The following ADGB variants were observed in gnomAD, a reference collection of about 807,000 sequenced individuals.
The protein encoded by ADGB is calpain-7-like protein.
A neutral mutation model predicts 210.5 loss-of-function variants in ADGB; 172 were observed. The ratio of observed to expected loss-of-function variants is 0.82; its 90% CI spans 0.72 to 0.93. The LOEUF (loss-of-function observed/expected upper bound fraction) is 0.93. Among genes scored for constraint, ADGB ranks in the 40% least tolerant of loss-of-function variants. ADGB has a pLI of 0.00. For missense variants in ADGB, 2,025 were observed against 1,964.8 expected (o/e 1.03, Z -0.58); for synonymous variants, 658 against 662.7 (o/e 0.99, Z 0.11).
At chr6:146,631,871 G>A (rs1362955906) in intron 1 of ADGB, among the ~76,000 whole-genome samples, 2 of 151,204 alleles carry the variant, frequency 1.3e-5, no homozygotes, top group African/African-American at 4.9e-5. Flanking sequence ...TTTGAGAGAT[G>A]TTTCCTTGTT....
At chr6:146,644,717 G>GT (rs1044160815) in intron 2 of ADGB, 56 bp from the exon 3 acceptor site, 14 of 1,061,818 alleles carry the variant, frequency 1.3e-5, no homozygotes, top group Admixed American at 3.4e-5. Context: ...TATTAAAATT[G>GT]TTTTTTTATT....
rs190431186 is a variant in ADGB, at chr6:146,807,578, G to T, written c.4818+5567G>T. The stretch of plus-strand genomic sequence containing the variant: ...ACACACAGAAAAAAAAGAAAGGAAA[G>T]AAAAAGTAACCAGGGGATGTCCAAT... On this transcript the variant is annotated intron_variant, in intron 35 of 35. Transcript: ENST00000397944. 7.1e-5 allele frequency: 109 copies of T among 1,536,638 alleles called. 1 individual carries two copies. The African/African-American group carries it at 1.3e-3, about 18-fold the overall frequency.
intron 19 of ADGB, among the ~76,000 whole-genome samples, chr6:146,727,995 T>G (rs957871990): frequency 3.3e-5 from 5 of 152,184 alleles, no homozygotes; most frequent in Admixed American, 3.3e-4. Context: ...TTTGTTTTGT[T>G]TTTTCCAATT....
Position 146,672,246 on chromosome 6 carries a change from A to G in ADGB, c.866A>G (p.Glu289Gly). The stretch of plus-strand genomic sequence containing the variant: ...CCGGGATATATGGACAAAGTTTGGG[A>G]GCTCCTGAAAGAAATATTGCCTGAG... ...LHPGYMDKVWELLKEILPEFK... is the reference protein window; with the variant it reads ...LHPGYMDKVWGLLKEILPEFK... Residue 289 changes from glutamate (E) to glycine (G), a missense_variant, in exon 8 of 36, where the codon GAG becomes GGG. Glu to Gly is a moderately conservative substitution (Grantham distance 98). Coordinates refer to ENST00000397944, the MANE Select transcript of ADGB (RefSeq NM_024694.4). 6.5e-7 allele frequency: 1 copy of G among 1,540,012 alleles called. No individual in the cohort carries two copies. Among genetic ancestry groups the G allele is most frequent in the Non-Finnish European group, 8.8e-7 (1 of 1,142,092 alleles).
chr6:146,799,232 A>G (rs559314536), intron 33 of ADGB, among the ~76,000 whole-genome samples: 1 of 152,230 alleles, frequency 6.6e-6, no homozygotes, highest in South Asian at 2.1e-4. Flanking sequence ...CAAGCCAAAG[A>G]TGTCCTCTCT....
In ADGB at chr6:146,740,638, A is replaced by G. The variant is rs1777152149; in HGVS notation, c.3023+45A>G. 3.9e-6 allele frequency: 6 copies of G among 1,526,758 alleles called. No individual in the cohort carries two copies. In the Admixed American group the frequency reaches 1.0e-4, roughly 26 times the overall value. 94.6% of individuals were successfully genotyped at this position (1,526,758 alleles called of 1,614,324 possible). A position where few individuals can be genotyped will look rare whatever the true frequency, so the allele number is the denominator to read the frequency against. On this transcript the variant is annotated intron_variant, in intron 24 of 35. Transcript: ENST00000397944. The stretch of plus-strand genomic sequence containing the variant: ...ACAAATATGTCTCTAAATGGCTTGC[A>G]ATATCTGTATTTATGAATATTTCTG...
chr6:146,765,840 A>T (rs1256602226), intron 28 of ADGB, among the ~76,000 whole-genome samples: 1 of 151,864 alleles, frequency 6.6e-6, no homozygotes, highest in Non-Finnish European at 1.5e-5. Context: ...AAAAGAACAG[A>T]AAAGTAACTC....
At chr6:146,755,442 C>A (rs1438367583) in intron 27 of ADGB, among the ~76,000 whole-genome samples, 3 of 152,172 alleles carry the variant, frequency 2.0e-5, no homozygotes, top group Admixed American at 1.3e-4. Context: ...TAAGTGAGTT[C>A]TCGCAAAATC....
intron 1 of ADGB, among the ~76,000 whole-genome samples, chr6:146,611,047 G>T (rs577395851): frequency 6.6e-6 from 1 of 152,232 alleles, no homozygotes; most frequent in African/African-American, 2.4e-5. Flanking sequence ...AAGGGAGGCT[G>T]CAGGTGAGTG....
At chr6:146,787,287 T>A (rs1412798164) in intron 32 of ADGB, among the ~76,000 whole-genome samples, 1 of 152,164 alleles carries the variant, frequency 6.6e-6, no homozygotes, top group Non-Finnish European at 1.5e-5. Context: ...AAACACCACA[T>A]ACTAAAGTCC....
chr6:146,615,408 C>T (rs1382329315), intron 1 of ADGB, among the ~76,000 whole-genome samples: 2 of 152,126 alleles, frequency 1.3e-5, no homozygotes, highest in Admixed American at 6.5e-5. Flanking sequence ...TCACCAACAC[C>T]TCAAACATTT....
At chr6:146,689,321 A>T (rs911561378) in intron 10 of ADGB, among the ~76,000 whole-genome samples, 15 of 152,176 alleles carry the variant, frequency 9.9e-5, no homozygotes, top group African/African-American at 3.6e-4. Context: ...GCATCAAACT[A>T]TAACTATTAT....
Position 146,691,178 on chromosome 6 carries a change from G to A in ADGB, c.1374G>A (p.Leu458=), listed in dbSNP as rs1331622809. 16 of 1,549,168 alleles carry A rather than the reference G, an allele frequency of 1.0e-5. No individual in the cohort carries two copies. The highest frequency in any genetic ancestry group is 1.2e-5 in the Non-Finnish European group (14 of 1,146,180). ...CCCACATCTGTAGCCATCCTGTGCT[G>A]GTGACTAGAAGTAGGTCTTGTCCTC... ...GLSHICSHPV[L]VTRSRSCPLV... is the part of the protein sequence containing the mutation. The change falls in exon 11 of 36, where the codon CTG becomes CTA. Residue 458 remains leucine, a synonymous_variant. Transcript: ENST00000397944.
chr6:146,710,451 A>T (rs1301426977), intron 13 of ADGB, among the ~76,000 whole-genome samples: 3 of 152,122 alleles, frequency 2.0e-5, no homozygotes, highest in Non-Finnish European at 4.4e-5. Context: ...AATTATAACA[A>T]TAGATTCTTA....
chr6:146,699,558 G>A (rs6911503), intron 12 of ADGB, among the ~76,000 whole-genome samples: 17,234 of 151,870 alleles, frequency 0.11, 1,642 homozygotes, highest in African/African-American at 0.26. Flanking sequence ...CCACCGACTC[G>A]CACGCCAATC....
intron 1 of ADGB, among the ~76,000 whole-genome samples, chr6:146,623,023 C>T (rs542868819): frequency 1.3e-5 from 2 of 151,888 alleles, no homozygotes; most frequent in East Asian, 1.9e-4. Context: ...TGAATATGGG[C>T]CTATTTTGTT....
chr6:146,603,208 T>C (rs1362081489), intron 1 of ADGB, among the ~76,000 whole-genome samples: 1 of 152,202 alleles, frequency 6.6e-6, no homozygotes, highest in Non-Finnish European at 1.5e-5. Context: ...TTAGCAATTA[T>C]AAACAAATTA....
At chr6:146,773,937 A>T (rs753417321) in intron 29 of ADGB, among the ~76,000 whole-genome samples, 1 of 152,156 alleles carries the variant, frequency 6.6e-6, no homozygotes, top group South Asian at 2.1e-4. Context: ...CATTTTACAG[A>T]TGAGGGAACT....
chr6:146,717,514 G>T, intron 15 of ADGB, 22 bp from the exon 16 acceptor site: 1 of 1,295,710 alleles, frequency 7.7e-7, no homozygotes, highest in Non-Finnish European at 1.1e-6. Context: ...ACAATAACCT[G>T]TTAAAAATGT....
Sources: allele counts gnomAD v4.1 joint callset (sites outside exome capture counted in the v4.1 genomes callset), GRCh38; gene constraint gnomAD v4.1.1; transcripts MANE v1.5; gene names NCBI Gene and HGNC (gene_info 2026-07-23, HGNC 2026-07-21).